Variants in ELAVL4 observed in about 807,000 individuals in gnomAD.
ELAVL4 encodes ELAV-like protein 4.
ELAVL4 carries 1 observed loss-of-function variant against 35.6 expected under a neutral mutation model. The ratio of observed to expected loss-of-function variants is 0.03; its 90% CI spans 0.01 to 0.13. The LOEUF (loss-of-function observed/expected upper bound fraction) is 0.13. ELAVL4 is among the 10% of genes least tolerant of loss of function. ELAVL4 has a pLI of 1.00. For synonymous variants in ELAVL4, 156 were observed against 171.0 expected (o/e 0.91, Z 0.69); for missense variants, 267 against 464.9 (o/e 0.57, Z 3.91).
rs546875521 is a variant in ELAVL4, at chr1:50,065,980, A to G, written c.18+17798A>G. Among the ~76,000 whole-genome samples, 9 of 152,316 alleles carry G rather than the reference A, an allele frequency of 5.9e-5. No homozygotes were observed. In the South Asian group the frequency reaches 1.9e-3, roughly 32 times the overall value. On this transcript the variant is annotated intron_variant, in intron 1 of 6. Coordinates refer to the ELAVL4 transcript ENST00000448907. ...AGAGCGAAAGTAAGGAAGAAGTGAC[A>G]CGGTGGAATTTCTACTGCATCCTAT...
intron 1 of ELAVL4, among the ~76,000 whole-genome samples, chr1:50,071,018 A>G (rs12743264): frequency 1.3e-5 from 2 of 152,086 alleles, no homozygotes; most frequent in Non-Finnish European, 1.5e-5. Flanking sequence ...AGGATGTCCA[A>G]CTGGCTCCTT....
intron 1 of ELAVL4, chr1:50,144,734 T>A (rs1412119173): frequency 2.7e-6 from 2 of 738,690 alleles, no homozygotes; most frequent in Admixed American, 1.8e-5. Flanking sequence ...TACTGCATTC[T>A]AGTCTGTGTT....
intron 1 of ELAVL4, among the ~76,000 whole-genome samples, chr1:50,136,186 C>A (rs1671855462): frequency 6.6e-6 from 1 of 151,712 alleles, no homozygotes; most frequent in African/African-American, 2.4e-5. Context: ...TTTTAAGGAG[C>A]AAGAAGAGAA....
intron 1 of ELAVL4, among the ~76,000 whole-genome samples, chr1:50,089,571 G>T (rs1442327994): frequency 6.6e-6 from 1 of 152,078 alleles, no homozygotes. Context: ...TAGGCAACAT[G>T]GCAAAACACC....
At chr1:50,078,901 T>C (rs931931148) in intron 1 of ELAVL4, among the ~76,000 whole-genome samples, 2 of 152,310 alleles carry the variant, frequency 1.3e-5, no homozygotes, top group Middle Eastern at 3.4e-3. Context: ...CCTTCCATTG[T>C]GAGCTCAGAA....
intron 1 of ELAVL4, among the ~76,000 whole-genome samples, chr1:50,095,553 T>TAC (rs550327259): frequency 1.1e-4 from 17 of 151,788 alleles, no homozygotes; most frequent in South Asian, 4.2e-4. Flanking sequence ...ATATAATTTT[T>TAC]ACACACACAC....
intron 1 of ELAVL4, among the ~76,000 whole-genome samples, chr1:50,063,328 T>C (rs1311846131): frequency 6.6e-6 from 1 of 152,220 alleles, no homozygotes; most frequent in Non-Finnish European, 1.5e-5. Context: ...ACTTACAGTT[T>C]TGCCTTTCTT....
chr1:50,126,291 T>C (rs1669901892), intron 1 of ELAVL4, among the ~76,000 whole-genome samples: 1 of 152,136 alleles, frequency 6.6e-6, no homozygotes, highest in Non-Finnish European at 1.5e-5. Context: ...TGTCAAAGAC[T>C]GTGTTGGCCC....
At position 50,051,050 on chromosome 1, in the gene ELAVL4, A is replaced by G. The variant is rs573186168; in HGVS notation, c.18+2868A>G. On this transcript the variant is annotated intron_variant, in intron 1 of 6. Coordinates refer to the ELAVL4 transcript ENST00000448907. The stretch of plus-strand genomic sequence containing the variant: ...ATATGCTGTTAAAAGTTTTTGAGGT[A>G]GAAACAAGCCAAAAATTATTAATAA... Among the ~76,000 whole-genome samples the G allele has an allele frequency of 7.2e-5, 11 of 152,302 alleles. No homozygotes were observed. In the South Asian group the frequency reaches 2.3e-3, roughly 32 times the overall value.
intron 4 of ELAVL4, 99 bp downstream of exon 4, chr1:50,194,017 A>G: frequency 1.4e-6 from 2 of 1,436,638 alleles, no homozygotes; most frequent in South Asian, 1.4e-5. Flanking sequence ...AGCAGATGAT[A>G]TGGATCATGA....
chr1:50,115,652 A>G (rs558528942), intron 1 of ELAVL4, among the ~76,000 whole-genome samples: 1 of 152,238 alleles, frequency 6.6e-6, no homozygotes, highest in South Asian at 2.1e-4. Context: ...TTCTGAAAAA[A>G]ACACAGCATG....
chr1:50,150,265 C>T (rs904412055), intron 2 of ELAVL4, among the ~76,000 whole-genome samples: 8 of 152,118 alleles, frequency 5.3e-5, no homozygotes, highest in Non-Finnish European at 1.0e-4. Context: ...ACTTCTAATC[C>T]GTGTCTTCAT....
upstream of ELAVL4, chr1:50,104,094 A>G (rs906309819): frequency 1.4e-5 from 20 of 1,394,476 alleles, no homozygotes; most frequent in African/African-American, 1.1e-4. Flanking sequence ...TAACAAGACT[A>G]TGGGTCCTTA....
chr1:50,166,150 G>A lies in ELAVL4; in HGVS notation c.251-10939G>A, dbSNP rs1008789363. 3.3e-5 allele frequency among the ~76,000 whole-genome samples: 5 copies of A among 151,856 alleles called. No individual in the cohort carries two copies. The East Asian group carries it at 9.6e-4, about 29-fold the overall frequency. On this transcript the variant is annotated intron_variant, in intron 2 of 6. Transcript: ENST00000371824. ...GCAACACCCTCACAGACACGCCCAGGATCAATACTTTGTAGCCTTCAATCC... is the reference window on the plus strand; with the variant it reads ...GCAACACCCTCACAGACACGCCCAGAATCAATACTTTGTAGCCTTCAATCC...
chr1:50,097,382 T>G (rs902538913), intron 1 of ELAVL4, among the ~76,000 whole-genome samples: 3 of 152,220 alleles, frequency 2.0e-5, no homozygotes, highest in Admixed American at 2.0e-4. Flanking sequence ...AAAATCTGAG[T>G]AAACCCTACT....
intron 2 of ELAVL4, among the ~76,000 whole-genome samples, chr1:50,152,862 A>C (rs1675039257): frequency 6.6e-6 from 1 of 152,228 alleles, no homozygotes; most frequent in Non-Finnish European, 1.5e-5. Flanking sequence ...TATTTGTATA[A>C]GGTTTTTATA....
chr1:50,199,535 G>A (rs908463268), intron 6 of ELAVL4, among the ~76,000 whole-genome samples: 1 of 151,994 alleles, frequency 6.6e-6, no homozygotes, highest in African/African-American at 2.4e-5. Context: ...GCAAAACCCC[G>A]TCTCTACTAA....
intron 1 of ELAVL4, among the ~76,000 whole-genome samples, chr1:50,055,422 C>T (rs530652345): frequency 6.6e-6 from 1 of 152,206 alleles, no homozygotes; most frequent in South Asian, 2.1e-4. Flanking sequence ...TCCTCAGCCT[C>T]CCGAGTAGCT....
In ELAVL4 at chr1:50,169,371, C is replaced by T. The variant is rs145828436; in HGVS notation, c.251-7718C>T. Among the ~76,000 whole-genome samples the T allele has an allele frequency of 4.3e-4, 66 of 152,262 alleles. No homozygotes were observed. The East Asian group carries it at 8.1e-3, about 19-fold the overall frequency. Reference sequence around the variant, plus strand: ...CCTTCAGTCTAATCAAGTTGACGCTCAGTATTAACTATCATACCTATTTAA... The same window carrying T: ...CCTTCAGTCTAATCAAGTTGACGCTTAGTATTAACTATCATACCTATTTAA... On this transcript the variant is annotated intron_variant, in intron 2 of 6. Coordinates refer to ENST00000371824, the MANE Select transcript of ELAVL4 (RefSeq NM_001144774.3).
Sources: gnomAD v4.1 joint callset for allele counts (sites outside exome capture counted in the v4.1 genomes callset) on GRCh38, gnomAD v4.1.1 for gene constraint, MANE v1.5 for transcripts, NCBI Gene and HGNC (gene_info 2026-07-23, HGNC 2026-07-21) for gene names.